Variants in PAWR observed in about 807,000 individuals in gnomAD.
PAWR encodes the protein PRKC apoptosis WT1 regulator protein.
Under a neutral mutation model 32.0 loss-of-function variants are expected in PAWR, and 23 were observed. The ratio of observed to expected loss-of-function variants is 0.72; its 90% CI spans 0.52 to 1.02. PAWR has a LOEUF of 1.02. PAWR is among the 50% of genes least tolerant of loss of function. The probability of loss-of-function intolerance (pLI) is 0.00; values close to 1 mark genes in which losing one functional copy is unlikely to be tolerated. For missense variants in PAWR, 457 were observed against 437.7 expected (o/e 1.04, Z -0.39); for synonymous variants, 226 against 187.1 (o/e 1.21, Z -1.70).
chr12:79,654,795 C>T (rs186362385), intron 2 of PAWR, among the ~76,000 whole-genome samples: 1 of 152,192 alleles, frequency 6.6e-6, no homozygotes, highest in East Asian at 1.9e-4. Context: ...TTCACTATCA[C>T]GAGAACAACA....
chr12:79,653,280 C>T (rs1876939398), intron 2 of PAWR, among the ~76,000 whole-genome samples: 1 of 152,316 alleles, frequency 6.6e-6, no homozygotes, highest in East Asian at 1.9e-4. Flanking sequence ...AGGTGATCCA[C>T]CGGCCTTGGC....
chr12:79,651,381 T>C (rs1316151604), intron 2 of PAWR, among the ~76,000 whole-genome samples: 1 of 152,126 alleles, frequency 6.6e-6, no homozygotes, highest in Non-Finnish European at 1.5e-5. Flanking sequence ...AAAGAATCGG[T>C]TAAAAAAATT....
chr12:79,631,411 T>C (rs141594285), intron 2 of PAWR, among the ~76,000 whole-genome samples: 2 of 152,290 alleles, frequency 1.3e-5, no homozygotes, highest in South Asian at 2.1e-4. Context: ...ATCTTCTATA[T>C]AGAATATCTT....
intron 2 of PAWR, among the ~76,000 whole-genome samples, chr12:79,676,497 TCA>T (rs1279763728): frequency 3.9e-5 from 6 of 152,164 alleles, no homozygotes; most frequent in African/African-American, 9.7e-5. Flanking sequence ...TTCTATAATT[TCA>T]CACACAGTAT....
At chr12:79,605,689 C>T (rs1025419447) in intron 4 of PAWR, among the ~76,000 whole-genome samples, 1 of 152,048 alleles carries the variant, frequency 6.6e-6, no homozygotes, top group Non-Finnish European at 1.5e-5. Flanking sequence ...TATGTTACTC[C>T]AAATGGTAAA....
At chr12:79,660,282 T>C (rs544082354) in intron 2 of PAWR, among the ~76,000 whole-genome samples, 2 of 152,270 alleles carry the variant, frequency 1.3e-5, no homozygotes, top group Non-Finnish European at 2.9e-5. Context: ...ATCTTCATAG[T>C]GGCACTGACA....
intron 2 of PAWR, among the ~76,000 whole-genome samples, chr12:79,652,231 C>G (rs772277919): frequency 6.6e-6 from 1 of 151,814 alleles, no homozygotes; most frequent in African/African-American, 2.4e-5. Context: ...TAAAATGGTT[C>G]GATGCTAAGT....
chr12:79,646,515 T>C (rs555673239), intron 2 of PAWR, among the ~76,000 whole-genome samples: 4 of 152,180 alleles, frequency 2.6e-5, no homozygotes, highest in Non-Finnish European at 5.9e-5. Context: ...ATGAAACAAG[T>C]GTAATAAATA....
At chr12:79,633,056 C>G (rs915177338) in intron 2 of PAWR, among the ~76,000 whole-genome samples, 1 of 151,920 alleles carries the variant, frequency 6.6e-6, no homozygotes, top group Non-Finnish European at 1.5e-5. Context: ...ATCCGAGAGG[C>G]GGAGGTTGCA....
At chr12:79,655,295 C>T (rs932259713) in intron 2 of PAWR, among the ~76,000 whole-genome samples, 5 of 152,170 alleles carry the variant, frequency 3.3e-5, no homozygotes, top group African/African-American at 1.2e-4. Context: ...CCCCAATTAG[C>T]TCCAGGCCGC....
At chr12:79,659,853 T>G (rs1877266080) in intron 2 of PAWR, among the ~76,000 whole-genome samples, 2 of 152,168 alleles carry the variant, frequency 1.3e-5, no homozygotes, top group Admixed American at 1.3e-4. Context: ...TATTTGGATT[T>G]AAAAGACTAC....
At chr12:79,623,952 A>T (rs929396720) in intron 2 of PAWR, among the ~76,000 whole-genome samples, 16 of 152,294 alleles carry the variant, frequency 1.1e-4, no homozygotes, top group African/African-American at 3.8e-4. Context: ...AGTTGCTTTA[A>T]AAGGGGGAGG....
intron 2 of PAWR, among the ~76,000 whole-genome samples, chr12:79,669,198 T>C (rs1244344234): frequency 6.6e-6 from 1 of 152,148 alleles, no homozygotes; most frequent in Non-Finnish European, 1.5e-5. Context: ...TATGTAAAGA[T>C]TAGGGATATA....
At chr12:79,672,851 T>C (rs2136858234) in intron 2 of PAWR, among the ~76,000 whole-genome samples, 1 of 152,286 alleles carries the variant, frequency 6.6e-6, no homozygotes, top group African/African-American at 2.4e-5. Flanking sequence ...ATATTTCTAT[T>C]ACTTTCCCAC....
chr12:79,622,962 C>T (rs1238126813), intron 2 of PAWR, among the ~76,000 whole-genome samples: 3 of 152,010 alleles, frequency 2.0e-5, no homozygotes, highest in East Asian at 3.9e-4. Flanking sequence ...ATAGATAACC[C>T]AAGAAGTTTA....
At chr12:79,618,098 C>T (rs984019215) in intron 3 of PAWR, among the ~76,000 whole-genome samples, 1 of 152,044 alleles carries the variant, frequency 6.6e-6, no homozygotes, top group African/African-American at 2.4e-5. Flanking sequence ...ACAACCTATA[C>T]AGAATTACCT....
chr12:79,594,700 CGTGT>C lies in PAWR; in HGVS notation c.832-271_832-268del, dbSNP rs34121968. On this transcript the variant is annotated intron_variant, in intron 5 of 6. Coordinates refer to ENST00000328827, the MANE Select transcript of PAWR (RefSeq NM_002583.4). Reference sequence around the variant, plus strand: ...TGTAATAGACTCAATGATTTAACCTCGTGTGTGTGTGTGTGTGTGTGTGTGTGTA... The same window carrying C: ...TGTAATAGACTCAATGATTTAACCTCGTGTGTGTGTGTGTGTGTGTGTGTA... 5.5e-3 allele frequency among the ~76,000 whole-genome samples: 810 copies of C among 148,548 alleles called. 14 individuals are homozygous for C. The highest frequency in any genetic ancestry group is 0.033 in the South Asian group (151 of 4,636).
intron 2 of PAWR, among the ~76,000 whole-genome samples, chr12:79,679,759 T>C (rs1878349516): frequency 6.6e-6 from 1 of 152,224 alleles, no homozygotes; most frequent in African/African-American, 2.4e-5. Context: ...ACTACATTAA[T>C]GTTTTGTTTT....
chr12:79,662,747 A>AC (rs1202298223), intron 2 of PAWR, among the ~76,000 whole-genome samples: 6 of 152,228 alleles, frequency 3.9e-5, no homozygotes, highest in Non-Finnish European at 5.9e-5. Context: ...GAACAAAATC[A>AC]CATAAAGCCT....
Sources: allele counts gnomAD v4.1 joint callset (sites outside exome capture counted in the v4.1 genomes callset), GRCh38; gene constraint gnomAD v4.1.1; transcripts MANE v1.5; gene names NCBI Gene and HGNC (gene_info 2026-07-23, HGNC 2026-07-21).